PARD3B: variants seen among roughly 807,000 people sequenced by gnomAD.
PARD3B encodes the protein partitioning defective 3 homolog B.
PARD3B carries 103 observed loss-of-function variants against 130.2 expected under a neutral mutation model. That is an observed-to-expected ratio of 0.79 (90% CI 0.67 to 0.93). The LOEUF (loss-of-function observed/expected upper bound fraction) is 0.93. PARD3B is among the 40% of genes least tolerant of loss of function. The pLI, the probability that PARD3B is intolerant of heterozygous loss-of-function variation, is 0.00. For missense variants in PARD3B, 1,609 were observed against 1,499.2 expected (o/e 1.07, Z -1.21); for synonymous variants, 583 against 553.2 (o/e 1.05, Z -0.76).
chr2:205,184,090 G>A (rs10170188), intron 13 of PARD3B, among the ~76,000 whole-genome samples: 31,151 of 151,988 alleles, frequency 0.2, 3,669 homozygotes, highest in South Asian at 0.29. Flanking sequence ...ATGCCTTCAC[G>A]TGATTAGACA....
intron 16 of PARD3B, among the ~76,000 whole-genome samples, chr2:205,259,318 A>G (rs2040212022): frequency 6.6e-6 from 1 of 152,140 alleles, no homozygotes; most frequent in Admixed American, 6.5e-5. Flanking sequence ...TTTGTTTATT[A>G]GAACATGTAT....
At chr2:204,963,338 A>G (rs576021650) in intron 2 of PARD3B, among the ~76,000 whole-genome samples, 1 of 152,298 alleles carries the variant, frequency 6.6e-6, no homozygotes, top group Non-Finnish European at 1.5e-5. Context: ...CTTTTGTATT[A>G]TACTTCTAGT....
At chr2:204,723,112 A>G (rs1253360640) in intron 2 of PARD3B, among the ~76,000 whole-genome samples, 1 of 152,184 alleles carries the variant, frequency 6.6e-6, no homozygotes, top group Non-Finnish European at 1.5e-5. Flanking sequence ...TTTTCTCAAA[A>G]TAATTACCTT....
chr2:205,250,714 A>G (rs1205273729), intron 16 of PARD3B, among the ~76,000 whole-genome samples: 1 of 152,126 alleles, frequency 6.6e-6, no homozygotes, highest in Admixed American at 6.6e-5. Flanking sequence ...GGATCATTTG[A>G]GATCAGGAGT....
At chr2:204,680,750 T>G (rs185789782) in intron 1 of PARD3B, among the ~76,000 whole-genome samples, 4 of 152,240 alleles carry the variant, frequency 2.6e-5, no homozygotes, top group African/African-American at 9.6e-5. Context: ...CATCTATGGA[T>G]TTTTCAGTAC....
chr2:205,451,226 A>G (rs575447332), intron 20 of PARD3B, among the ~76,000 whole-genome samples: 1 of 152,320 alleles, frequency 6.6e-6, no homozygotes, highest in African/African-American at 2.4e-5. Flanking sequence ...TCCACCTTCC[A>G]GGGAGAAAGG....
chr2:205,096,978 A>C (rs531265691), intron 4 of PARD3B, among the ~76,000 whole-genome samples: 1 of 152,120 alleles, frequency 6.6e-6, no homozygotes. Context: ...TTACAAGGTA[A>C]ATACAGTTAA....
chr2:205,466,768 A>G (rs1045859569), intron 20 of PARD3B, among the ~76,000 whole-genome samples: 3 of 152,216 alleles, frequency 2.0e-5, no homozygotes, highest in Non-Finnish European at 2.9e-5. Context: ...GCTGGAGTGC[A>G]GTGGCGCAAT....
At chr2:205,040,378 A>C (rs1698311799) in intron 3 of PARD3B, among the ~76,000 whole-genome samples, 1 of 152,196 alleles carries the variant, frequency 6.6e-6, no homozygotes, top group African/African-American at 2.4e-5. Context: ...AAGGGGGAGC[A>C]GCTTCTTTGA....
At chr2:204,884,637 T>A (rs1278639821) in intron 2 of PARD3B, among the ~76,000 whole-genome samples, 1 of 152,142 alleles carries the variant, frequency 6.6e-6, no homozygotes, top group Non-Finnish European at 1.5e-5. Flanking sequence ...GGCCCCAGTG[T>A]GTGTTGTTCC....
rs1317597506 is a variant in PARD3B at position 205,525,095 on chromosome 2, TTTTCTTAGCTGCAAC to T, written c.3180+25072_3180+25086del. Among the ~76,000 whole-genome samples the T allele has an allele frequency of 6.6e-6, 1 of 152,218 alleles. No individual in the cohort carries two copies. The highest frequency in any genetic ancestry group is 2.4e-5 in the African/African-American group (1 of 41,450). ...CAGTTTTATTGCCTCACAAAGGCTA[TTTTCTTAGCTGCAAC>T]TTTCTTATTCACACACAGTAAAGCA... On this transcript the variant is annotated intron_variant, in intron 21 of 22. Transcript: ENST00000406610. The surrounding 1 kb of genome is among the most constrained non-coding windows in gnomAD (Gnocchi z 4.2).
intron 18 of PARD3B, among the ~76,000 whole-genome samples, chr2:205,365,565 T>TTTTTC (rs1553686141): frequency 1.3e-5 from 2 of 150,278 alleles, no homozygotes; most frequent in African/African-American, 4.9e-5. Context: ...TTTTTTTTTT[T>TTTTTC]CTAATCTACA....
Position 205,568,255 on chromosome 2 carries a change from A to G in PARD3B, c.3260+14852A>G, listed in dbSNP as rs1264562317. 6.6e-6 allele frequency among the ~76,000 whole-genome samples: 1 copy of G among 152,218 alleles called. No individual in the cohort carries two copies. Among genetic ancestry groups the G allele is most frequent in the Non-Finnish European group, 1.5e-5 (1 of 68,034 alleles). Reference sequence around the variant, plus strand: ...ACATATGAGATTAGTAAGATGCCCCAGACAATCCTGATGCCTTCACTTTAT... The same window carrying G: ...ACATATGAGATTAGTAAGATGCCCCGGACAATCCTGATGCCTTCACTTTAT... On this transcript the variant is annotated intron_variant, in intron 22 of 22. Coordinates refer to ENST00000406610, the MANE Select transcript of PARD3B (RefSeq NM_001302769.2). The surrounding 1 kb of genome is among the most constrained non-coding windows in gnomAD (Gnocchi z 5.3).
At chr2:204,629,128 A>AG (rs1469489774) in intron 1 of PARD3B, among the ~76,000 whole-genome samples, 4 of 152,174 alleles carry the variant, frequency 2.6e-5, no homozygotes, top group Non-Finnish European at 4.4e-5. Flanking sequence ...AAGCTTTCAC[A>AG]GGGGAACAAA....
intron 2 of PARD3B, among the ~76,000 whole-genome samples, chr2:204,703,999 G>C (rs1343806790): frequency 6.6e-6 from 1 of 151,990 alleles, no homozygotes; most frequent in Non-Finnish European, 1.5e-5. Context: ...GAAATGATTT[G>C]TCAAATTTTT....
At chr2:205,272,408 A>T (rs1475921037) in intron 16 of PARD3B, among the ~76,000 whole-genome samples, 1 of 152,214 alleles carries the variant, frequency 6.6e-6, no homozygotes, top group African/African-American at 2.4e-5. Flanking sequence ...AAGCACTAAT[A>T]GCTGGTGTTA....
intron 4 of PARD3B, among the ~76,000 whole-genome samples, chr2:205,062,792 TAAAC>T (rs1263073637): frequency 3.3e-5 from 5 of 152,178 alleles, no homozygotes; most frequent in Admixed American, 6.6e-5. Context: ...TTTTTAAAAA[TAAAC>T]AAATGTATTT....
rs2033038144 is a variant in PARD3B, at chr2:205,142,457, CAT to C, written c.1435-16264_1435-16263del. Among the ~76,000 whole-genome samples the C allele has an allele frequency of 1.3e-5, 2 of 152,136 alleles. No individual in the cohort carries two copies. The highest frequency in any genetic ancestry group is 2.9e-5 in the Non-Finnish European group (2 of 68,016). ...TTGTGGCAGAGAAGTGTCAACAAAA[CAT>C]GTATGAAGTCATCGCATAACGAATA... On this transcript the variant is annotated intron_variant, in intron 10 of 22. Coordinates refer to ENST00000406610, the MANE Select transcript of PARD3B (RefSeq NM_001302769.2). The surrounding 1 kb of genome is among the most constrained non-coding windows in gnomAD (Gnocchi z 4.3).
chr2:205,286,087 G>A (rs1031498701), intron 16 of PARD3B, among the ~76,000 whole-genome samples: 46 of 152,016 alleles, frequency 3.0e-4, no homozygotes, highest in African/African-American at 1.1e-3. Flanking sequence ...AACAAGGCAG[G>A]GAATATAAAA....
Sources: allele counts gnomAD v4.1 joint callset (sites outside exome capture counted in the v4.1 genomes callset), GRCh38; gene constraint gnomAD v4.1.1; non-coding constraint Gnocchi (gnomAD v3.1); transcripts MANE v1.5; gene names NCBI Gene and HGNC (gene_info 2026-07-23, HGNC 2026-07-21).